The following ANK3 variants were observed in gnomAD, a reference collection of about 807,000 sequenced individuals.
The protein encoded by ANK3 is ankyrin 3.
In ANK3, 57 loss-of-function variants were observed where a neutral mutation model predicts 370.9. The observed-to-expected ratio is 0.15, with a 90% CI of 0.12 to 0.19. The LOEUF (loss-of-function observed/expected upper bound fraction) is 0.19. Among genes scored for constraint, ANK3 ranks in the 10% least tolerant of loss-of-function variants. ANK3 has a pLI of 1.00. For synonymous variants in ANK3, 1,929 were observed against 1,946.3 expected (o/e 0.99, Z 0.23); for missense variants, 4,439 against 5,302.1 (o/e 0.84, Z 5.06).
At chr10:60,513,738 G>C (rs540105642) in intron 2 of ANK3, among the ~76,000 whole-genome samples, 1 of 152,172 alleles carries the variant, frequency 6.6e-6, no homozygotes, top group African/African-American at 2.4e-5. Flanking sequence ...GCATATGGAA[G>C]GGGAAACATG....
chr10:60,618,435 A>G (rs2078292829), intron 1 of ANK3, among the ~76,000 whole-genome samples: 1 of 152,182 alleles, frequency 6.6e-6, no homozygotes, highest in African/African-American at 2.4e-5. Context: ...AATTAGTAGG[A>G]GACACCAGAG....
intron 1 of ANK3, among the ~76,000 whole-genome samples, chr10:60,301,614 T>G (rs1433108319): frequency 1.3e-5 from 2 of 151,940 alleles, no homozygotes; most frequent in Non-Finnish European, 2.9e-5. Context: ...GGTTTCACCA[T>G]GTTGGTTGGC....
chr10:60,090,181 G>C (rs948631931), intron 28 of ANK3, among the ~76,000 whole-genome samples: 1 of 152,040 alleles, frequency 6.6e-6, no homozygotes, highest in Non-Finnish European at 1.5e-5. Context: ...AGCTGGGTGT[G>C]GTGGCATGCG....
intron 1 of ANK3, among the ~76,000 whole-genome samples, chr10:60,348,365 A>AC (rs539733847): frequency 0.015 from 1,357 of 92,946 alleles, 48 homozygotes; most frequent in African/African-American, 0.026. Flanking sequence ...AAAAAAAAAA[A>AC]AAAAACACAA....
intron 1 of ANK3, among the ~76,000 whole-genome samples, chr10:60,351,041 T>TA (rs397787611): frequency 2.6e-5 from 4 of 151,796 alleles, no homozygotes; most frequent in African/African-American, 9.7e-5. Context: ...CTCATTTTTT[T>TA]AAAGAAACAA....
At chr10:60,086,303 GT>G (rs1452710349) in intron 30 of ANK3, among the ~76,000 whole-genome samples, 1 of 152,130 alleles carries the variant, frequency 6.6e-6, no homozygotes, top group East Asian at 1.9e-4. Flanking sequence ...TTTCCTTGTA[GT>G]TTAAAGTATG....
At chr10:60,375,039 A>AGGT in intron 1 of ANK3, among the ~76,000 whole-genome samples, 1 of 152,202 alleles carries the variant, frequency 6.6e-6, no homozygotes, top group South Asian at 2.1e-4. Flanking sequence ...ACGTATATAC[A>AGGT]CGCACAGAAA....
chr10:60,540,052 A>G (rs2076812218), intron 2 of ANK3, among the ~76,000 whole-genome samples: 1 of 151,798 alleles, frequency 6.6e-6, no homozygotes, highest in South Asian at 2.1e-4. Context: ...AGAAGGAGGA[A>G]GTGATTGATA....
At chr10:60,115,256 C>T (rs930826057) in intron 25 of ANK3, among the ~76,000 whole-genome samples, 7 of 152,170 alleles carry the variant, frequency 4.6e-5, no homozygotes, top group Non-Finnish European at 1.5e-5. Context: ...TGTGAGCTTT[C>T]ACCAGGGCTG....
chr10:60,151,921 C>T (rs549437856), intron 23 of ANK3, among the ~76,000 whole-genome samples: 4 of 152,242 alleles, frequency 2.6e-5, no homozygotes, highest in Admixed American at 6.5e-5. Context: ...GACAATGGCT[C>T]CAATTTAATC....
In ANK3 at chr10:60,501,730, A is replaced by G. The variant is rs555923523; in HGVS notation, c.96+113456T>C. ...CAAAAAAAAAAAAAAAAAAGAAAAG[A>G]AAAAGAAATGAAAACTTGTCCTTTA... On this transcript the variant is annotated intron_variant, in intron 2 of 43. Transcript: ENST00000373827. Among the ~76,000 whole-genome samples, 549 of 151,518 alleles carry G rather than the reference A, an allele frequency of 3.6e-3. 1 individual carries two copies. Among genetic ancestry groups the G allele is most frequent in the Non-Finnish European group, 5.9e-3 (402 of 67,792 alleles).
chr10:60,479,054 A>G (rs1186278571), intron 2 of ANK3, among the ~76,000 whole-genome samples: 2 of 152,134 alleles, frequency 1.3e-5, no homozygotes, highest in East Asian at 1.9e-4. Flanking sequence ...CATGGAACTA[A>G]AGCCTCTTCT....
At chr10:60,277,420 T>C (rs1314832569) in intron 4 of ANK3, among the ~76,000 whole-genome samples, 1 of 152,220 alleles carries the variant, frequency 6.6e-6, no homozygotes, top group Non-Finnish European at 1.5e-5. Flanking sequence ...ATAACTGGAT[T>C]CATATATGTT....
chr10:60,209,924 T>C (rs2096825814), intron 9 of ANK3, among the ~76,000 whole-genome samples: 1 of 151,914 alleles, frequency 6.6e-6, no homozygotes, highest in Non-Finnish European at 1.5e-5. Flanking sequence ...TTAAAGATAA[T>C]TGGAGAAGGA....
At chr10:60,637,703 AAG>A (rs1392628211) in intron 1 of ANK3, among the ~76,000 whole-genome samples, 1 of 152,226 alleles carries the variant, frequency 6.6e-6, no homozygotes, top group Non-Finnish European at 1.5e-5. Context: ...ATGAGATTAT[AAG>A]AGATGACATG....
chr10:60,100,070 T>C (rs1029488575), intron 28 of ANK3, among the ~76,000 whole-genome samples: 9 of 152,134 alleles, frequency 5.9e-5, no homozygotes, highest in Non-Finnish European at 1.2e-4. Flanking sequence ...TTAATGCTTA[T>C]TTGCTTTGTC....
At chr10:60,332,855 G>A (rs894242750) in intron 1 of ANK3, among the ~76,000 whole-genome samples, 5 of 152,028 alleles carry the variant, frequency 3.3e-5, no homozygotes, top group Admixed American at 1.3e-4. Flanking sequence ...TCACTGAACC[G>A]TAAAAAGTGG....
chr10:60,718,730 T>A lies in ANK3; in HGVS notation c.57+14533A>T, dbSNP rs190894332. 2.6e-3 allele frequency among the ~76,000 whole-genome samples: 392 copies of A among 152,100 alleles called. 1 individual carries two copies. Among genetic ancestry groups the A allele is most frequent in the African/African-American group, 8.8e-3 (367 of 41,510 alleles). ...AGCCATTTTATTTCACTTAAAAAAA[T>A]TTTTTTTATGGCCACCCCATTCAGA... On this transcript the variant is annotated intron_variant, in intron 1 of 43. Transcript: ENST00000373827.
intron 1 of ANK3, among the ~76,000 whole-genome samples, chr10:60,351,941 C>T (rs547591232): frequency 1.6e-4 from 24 of 152,212 alleles, no homozygotes; most frequent in African/African-American, 5.1e-4. Flanking sequence ...AAAAATACCA[C>T]TATAAAAGTA....
Sources: gnomAD v4.1 joint callset for allele counts (sites outside exome capture counted in the v4.1 genomes callset) on GRCh38, gnomAD v4.1.1 for gene constraint, MANE v1.5 for transcripts, NCBI Gene and HGNC (gene_info 2026-07-23, HGNC 2026-07-21) for gene names.